The following DSCAM variants were observed in gnomAD, a reference collection of about 807,000 sequenced individuals.
DSCAM encodes cell adhesion molecule DSCAM.
A neutral mutation model predicts 217.7 loss-of-function variants in DSCAM; 47 were observed. The observed-to-expected ratio is 0.22, with a 90% CI of 0.17 to 0.28. The LOEUF is 0.28. Among genes scored for constraint, DSCAM ranks in the 10% least tolerant of loss-of-function variants. The pLI, the probability that DSCAM is intolerant of heterozygous loss-of-function variation, is 1.00. For missense variants in DSCAM, 2,080 were observed against 2,618.3 expected (o/e 0.79, Z 4.49); for synonymous variants, 1,056 against 1,015.3 (o/e 1.04, Z -0.76).
intron 3 of DSCAM, among the ~76,000 whole-genome samples, chr21:40,686,217 A>ACACCCTC (rs1555880558): frequency 1.4e-5 from 2 of 146,812 alleles, no homozygotes; most frequent in African/African-American, 2.5e-5. Context: ...CCACACACAC[A>ACACCCTC]CACACACACA....
chr21:40,174,828 C>T (rs2090705962), intron 15 of DSCAM, among the ~76,000 whole-genome samples: 1 of 152,240 alleles, frequency 6.6e-6, no homozygotes, highest in Non-Finnish European at 1.5e-5. Flanking sequence ...CTCACATCCA[C>T]AGGCCTGGTC....
At chr21:40,516,151 G>C (rs955107969) in intron 3 of DSCAM, among the ~76,000 whole-genome samples, 1 of 151,646 alleles carries the variant, frequency 6.6e-6, no homozygotes, top group Non-Finnish European at 1.5e-5. Context: ...TCTTTCAAAA[G>C]AAAACCAAGC....
At position 40,508,756 on chromosome 21, in the gene DSCAM, TATATATATATATATATATATA is replaced by T. The variant is rs1568862875; in HGVS notation, c.509-139532_509-139512del. ...GCAAATATATATATATATATATATA[TATATATATATATATATATATA>T]TATATATTTTTTTTTTTTTTTTTTT... On this transcript the variant is annotated intron_variant, in intron 3 of 32. Coordinates refer to ENST00000400454, the MANE Select transcript of DSCAM (RefSeq NM_001389.5). 3.0e-3 allele frequency among the ~76,000 whole-genome samples: 129 copies of T among 42,468 alleles called. 8 individuals are homozygous for T. Among genetic ancestry groups the T allele is most frequent in the African/African-American group, 6.4e-3 (64 of 10,060 alleles). The allele number at this position is 42,468 out of a possible 152,430, so 27.9% of individuals were successfully genotyped here. A position where few individuals can be genotyped will look rare whatever the true frequency, so the allele number is the denominator to read the frequency against.
At position 40,829,747 on chromosome 21, in the gene DSCAM, G is replaced by A. The variant is rs530967066; in HGVS notation, c.43+16872C>T. Among the ~76,000 whole-genome samples, 81 of 152,290 alleles carry A rather than the reference G, an allele frequency of 5.3e-4. 2 individuals are homozygous for A. The South Asian group carries it at 0.016, about 30-fold the overall frequency. On this transcript the variant is annotated intron_variant, in intron 1 of 32. Transcript: ENST00000400454. ...AATACCATAGAAATGGATATGAAAAGATGGGTGACACATGCTGCACGTTGG... is the reference window on the plus strand; with the variant it reads ...AATACCATAGAAATGGATATGAAAAAATGGGTGACACATGCTGCACGTTGG...
chr21:40,150,025 C>T (rs1211417745), intron 16 of DSCAM, among the ~76,000 whole-genome samples: 2 of 152,248 alleles, frequency 1.3e-5, no homozygotes, highest in Non-Finnish European at 2.9e-5. Context: ...TCTACCACCT[C>T]CACTTCCACT....
chr21:40,030,159 G>T (rs73360096), intron 32 of DSCAM, among the ~76,000 whole-genome samples: 1 of 152,148 alleles, frequency 6.6e-6, no homozygotes, highest in African/African-American at 2.4e-5. Context: ...ACTGCTCTGC[G>T]TTCCACCCTT....
intron 3 of DSCAM, among the ~76,000 whole-genome samples, chr21:40,522,932 A>C (rs1362087998): frequency 1.3e-5 from 2 of 152,156 alleles, no homozygotes; most frequent in Non-Finnish European, 2.9e-5. Context: ...AACAATTTAC[A>C]CTGAAGGTAA....
chr21:40,805,877 T>G (rs182871917), intron 1 of DSCAM, among the ~76,000 whole-genome samples: 1 of 152,084 alleles, frequency 6.6e-6, no homozygotes, highest in East Asian at 1.9e-4. Context: ...CCTAGCTAAT[T>G]TTTTTATATT....
chr21:40,354,726 G>A (rs992086288), intron 4 of DSCAM, among the ~76,000 whole-genome samples: 1 of 151,754 alleles, frequency 6.6e-6, no homozygotes, highest in Non-Finnish European at 1.5e-5. Flanking sequence ...GCGGGCGCCT[G>A]TAGTCCCAGC....
At chr21:40,131,645 G>A (rs189959976) in intron 19 of DSCAM, among the ~76,000 whole-genome samples, 5 of 152,206 alleles carry the variant, frequency 3.3e-5, no homozygotes, top group Admixed American at 1.3e-4. Context: ...GGCTGGTCTC[G>A]AACTCCTGGC....
At chr21:40,412,874 T>A (rs1353889520) in intron 3 of DSCAM, among the ~76,000 whole-genome samples, 1 of 152,082 alleles carries the variant, frequency 6.6e-6, no homozygotes, top group Admixed American at 6.5e-5. Flanking sequence ...AAGGAAAAAG[T>A]GGTTTCATGG....
At chr21:40,333,451 G>A (rs1371579677) in intron 8 of DSCAM, among the ~76,000 whole-genome samples, 14 of 152,064 alleles carry the variant, frequency 9.2e-5, no homozygotes, top group Admixed American at 9.2e-4. Context: ...TGCAAACTCC[G>A]CCTCCTGGGT....
At chr21:40,252,749 T>A (rs1244226920) in intron 11 of DSCAM, among the ~76,000 whole-genome samples, 1 of 152,182 alleles carries the variant, frequency 6.6e-6, no homozygotes, top group Non-Finnish European at 1.5e-5. Context: ...TTAAACTTTT[T>A]TCAAGACTAT....
intron 3 of DSCAM, among the ~76,000 whole-genome samples, chr21:40,414,950 A>G (rs2075357166): frequency 6.6e-6 from 1 of 152,208 alleles, no homozygotes; most frequent in Non-Finnish European, 1.5e-5. Flanking sequence ...TCTTACCCTC[A>G]ATAAAATATA....
intron 1 of DSCAM, among the ~76,000 whole-genome samples, chr21:40,823,131 C>T (rs2091942640): frequency 1.3e-5 from 2 of 151,814 alleles, no homozygotes; most frequent in South Asian, 4.2e-4. Context: ...GCCAGGGTGA[C>T]AAAGCGAGAC....
rs527329731 is a variant in DSCAM at position 40,760,643 on chromosome 21, G to A, written c.44-51872C>T. ...AGTCAAGGAAGCCTCAGCAGCTGTG[G>A]CATTTTGCCACCCAGGTAGAGGAAC... On this transcript the variant is annotated intron_variant, in intron 1 of 32. Transcript: ENST00000400454. Among the ~76,000 whole-genome samples, 6 of 152,332 alleles carry A rather than the reference G, an allele frequency of 3.9e-5. No homozygotes were observed. The East Asian group carries it at 1.2e-3, about 29-fold the overall frequency.
intron 3 of DSCAM, among the ~76,000 whole-genome samples, chr21:40,580,150 C>G (rs1039217714): frequency 6.6e-6 from 1 of 151,092 alleles, no homozygotes; most frequent in South Asian, 2.1e-4. Context: ...GGCGCGATCT[C>G]GGCTCACTGC....
intron 6 of DSCAM, among the ~76,000 whole-genome samples, chr21:40,344,698 C>G (rs2074539102): frequency 6.6e-6 from 1 of 152,104 alleles, no homozygotes; most frequent in South Asian, 2.1e-4. Context: ...TTAAGTTTTT[C>G]TCTTTATCTT....
intron 11 of DSCAM, among the ~76,000 whole-genome samples, chr21:40,224,373 T>C (rs447940): frequency 0.55 from 84,230 of 152,130 alleles, 25,234 homozygotes; most frequent in African/African-American, 0.79. Context: ...TCTTAGTCAA[T>C]TGTTTAAGTG....
Sources: allele counts gnomAD v4.1 joint callset (sites outside exome capture counted in the v4.1 genomes callset), GRCh38; gene constraint gnomAD v4.1.1; transcripts MANE v1.5; gene names NCBI Gene and HGNC (gene_info 2026-07-23, HGNC 2026-07-21).